The following GNPTAB variants were observed in gnomAD, a reference collection of about 807,000 sequenced individuals.
GNPTAB encodes the protein N-acetylglucosamine-1-phosphate transferase subunits alpha and beta.
In GNPTAB, 92 loss-of-function variants were observed where a neutral mutation model predicts 136.6. The observed-to-expected ratio is 0.67, with a 90% CI of 0.57 to 0.80. GNPTAB has a LOEUF of 0.80. Among genes scored for constraint, GNPTAB ranks in the 30% least tolerant of loss-of-function variants. GNPTAB has a pLI of 0.00. For missense variants in GNPTAB, 1,343 were observed against 1,501.8 expected (o/e 0.89, Z 1.75); for synonymous variants, 512 against 535.1 (o/e 0.96, Z 0.60).
intron 11 of GNPTAB, among the ~76,000 whole-genome samples, chr12:101,766,676 T>C (rs1300329181): frequency 1.3e-5 from 2 of 152,152 alleles, no homozygotes; most frequent in Non-Finnish European, 2.9e-5. Context: ...CCTTATTTCA[T>C]ATTGATGTTT....
intron 14 of GNPTAB, 76 bp downstream of exon 14, chr12:101,761,488 G>T: frequency 6.8e-7 from 1 of 1,464,028 alleles, no homozygotes; most frequent in Non-Finnish European, 9.6e-7. Flanking sequence ...TATAAATTTA[G>T]CATGGTAAAT....
chr12:101,801,537 C>T (rs1192400038), intron 1 of GNPTAB, among the ~76,000 whole-genome samples: 3 of 27,072 alleles, frequency 1.1e-4, no homozygotes, highest in Non-Finnish European at 1.8e-4. Context: ...GAGACCCTGT[C>T]TCAAAAAAAA....
In GNPTAB at chr12:101,796,719, TCAAA is replaced by T. The variant is rs794727302; in HGVS notation, c.157_160del (p.Phe53IlefsTer29). ...TCCAGCAATATTGTCTCTATAGGAA[TCAAA>T]CAAAACATGGTATTGATCTCGGCTC... is the stretch of plus-strand genomic sequence containing the variant. On this transcript the variant is annotated frameshift_variant, in exon 2 of 21. Transcript: ENST00000299314. LOFTEE classifies it high-confidence loss of function. 14 of 1,613,272 alleles carry T rather than the reference TCAAA, an allele frequency of 8.7e-6. No individual in the cohort carries two copies. The highest frequency in any genetic ancestry group is 1.1e-5 in the Non-Finnish European group (13 of 1,179,440).
Position 101,771,068 on chromosome 12 carries a change from G to A in GNPTAB, c.861C>T (p.Asn287=), listed in dbSNP as rs1393795367. The part of the protein sequence containing the change: ...FQELNKQTKK[N]MTIDGKELTI... ...TCAGTTCTTTTCCATCAATGGTCAT[G>A]TTCTTCTTAGTTTGCTTATTCAATT... The change falls in exon 8 of 21, where the codon AAC becomes AAT. Residue 287 remains asparagine, a synonymous_variant. Coordinates refer to ENST00000299314, the MANE Select transcript of GNPTAB (RefSeq NM_024312.5). 4.3e-6 allele frequency: 7 copies of A among 1,613,586 alleles called. No homozygotes were observed. In the Admixed American group the frequency reaches 1.0e-4, roughly 23 times the overall value.
In GNPTAB at chr12:101,770,422, G is replaced by A; in HGVS notation, c.1097C>T (p.Thr366Ile). 1.2e-6 allele frequency: 2 copies of A among 1,612,508 alleles called. No individual in the cohort carries two copies. The highest frequency in any genetic ancestry group is 1.7e-6 in the Non-Finnish European group (2 of 1,178,480). Reference sequence around the variant, plus strand: ...GTCCTGTACCTGGTGTGTTACTATTGTCACTCGAGGATTGTCAAGGTTCAG... The same window carrying A: ...GTCCTGTACCTGGTGTGTTACTATTATCACTCGAGGATTGTCAAGGTTCAG... ...SWLNLDNPRV[T>I]IVTHQDVFRN... Residue 366 changes from threonine to isoleucine, a missense_variant, in exon 9 of 21, where the codon ACA becomes ATA. Coordinates refer to ENST00000299314, the MANE Select transcript of GNPTAB (RefSeq NM_024312.5).
chr12:101,761,822 T>C, intron 13 of GNPTAB, 59 bp from the exon 14 acceptor site: 2 of 1,221,866 alleles, frequency 1.6e-6, no homozygotes, highest in Non-Finnish European at 2.4e-6. Flanking sequence ...GTGTACTTTG[T>C]TACAAGACAT....
chr12:101,753,301 A>G, intron 19 of GNPTAB, 71 bp downstream of exon 19: 1 of 1,182,416 alleles, frequency 8.5e-7, no homozygotes, highest in Admixed American at 2.0e-5. Flanking sequence ...ACATTTCATC[A>G]CTAACATATA....
rs2137112179 is a variant in GNPTAB, at chr12:101,761,280, G to A, written c.2982C>T (p.Ala994=). The A allele has an allele frequency of 6.2e-7, 1 of 1,614,068 alleles. No homozygotes were observed. The highest frequency in any genetic ancestry group is 1.1e-5 in the South Asian group (1 of 91,088). ...TCATGAGATAATAAAAATAAGAGAA[G>A]GCAAACTGCATATCCTCAGAATGGC... is the stretch of plus-strand genomic sequence containing the variant. ...KVRHSEDMQF[A]FSYFYYLMSA... is the part of the protein sequence containing the mutation. The change falls in exon 15 of 21, where the codon GCC becomes GCT. Residue 994 remains alanine (A), a synonymous_variant. Transcript: ENST00000299314.
In GNPTAB at chr12:101,749,206, GA is replaced by G; in HGVS notation, c.3603-16del. ...GATAAGCCCTCCTGTGCAGAGAGAA[GA>G]AAGCAACTATGTACTTCTGTATATG... On this transcript the variant is annotated splice_polypyrimidine_tract_variant and intron_variant, in intron 19 of 20. Coordinates refer to ENST00000299314, the MANE Select transcript of GNPTAB (RefSeq NM_024312.5). The G allele has an allele frequency of 6.7e-7, 1 of 1,488,524 alleles. No individual in the cohort carries two copies. The highest frequency in any genetic ancestry group is 1.4e-5 in the African/African-American group (1 of 72,046). 92.2% of individuals were successfully genotyped at this position (1,488,524 alleles called of 1,614,324 possible). A position where few individuals can be genotyped will look rare whatever the true frequency, so the allele number is the denominator to read the frequency against.
Position 101,757,243 on chromosome 12 carries a change from C to T in GNPTAB, c.3403G>A (p.Gly1135Ser). 6.2e-7 allele frequency: 1 copy of T among 1,607,262 alleles called. No homozygotes were observed. The highest frequency in any genetic ancestry group is 8.5e-7 in the Non-Finnish European group (1 of 1,174,544). Residue 1135 changes from glycine to serine, a missense_variant, in exon 18 of 21, where the codon GGC becomes AGC. Physicochemically the swap from Gly to Ser is moderately conservative, Grantham distance 56. Transcript: ENST00000299314. Reference sequence around the variant, plus strand: ...TTTTTTCTTATGTCATCCAACTGGCCAACCACATGAGAAACGTTGGTACGA... The same window carrying T: ...TTTTTTCTTATGTCATCCAACTGGCTAACCACATGAGAAACGTTGGTACGA... ...MIRTNVSHVVGQLDDIRKNPR... is the reference protein window; with the variant it reads ...MIRTNVSHVVSQLDDIRKNPR...
At chr12:101,825,248 TTTCCACTGTATATTCTGACGACAGCATC>T (rs1871030239) in intron 1 of GNPTAB, among the ~76,000 whole-genome samples, 1 of 152,238 alleles carries the variant, frequency 6.6e-6, no homozygotes. Context: ...CTGACAGCAT[TTTCCACTGTATATTCTGACGACAGCATC>T]TTCCACTGTA....
At position 101,768,164 on chromosome 12, in the gene GNPTAB, C is replaced by A. The variant is rs202070254; in HGVS notation, c.1285-4G>T. 6 of 1,613,962 alleles carry A rather than the reference C, an allele frequency of 3.7e-6. No homozygotes were observed. The highest frequency in any genetic ancestry group is 5.1e-6 in the Non-Finnish European group (6 of 1,179,902). On this transcript the variant is annotated splice_region_variant and splice_polypyrimidine_tract_variant and intron_variant, in intron 10 of 20. Transcript: ENST00000299314. ...GCACAGGCCATGTCAAATAAACCTACGATAAAACCAAAGAGAAAATAAAAT... is the reference window on the plus strand; with the variant it reads ...GCACAGGCCATGTCAAATAAACCTAAGATAAAACCAAAGAGAAAATAAAAT...
intron 7 of GNPTAB, chr12:101,779,865 C>A: frequency 2.3e-6 from 1 of 437,782 alleles, no homozygotes; most frequent in Non-Finnish European, 4.2e-6. Flanking sequence ...ATCTCGGAAG[C>A]TAAGCAGGGT....
intron 9 of GNPTAB, 27 bp from the exon 10 acceptor site, chr12:101,770,218 A>G (rs772402161): frequency 1.9e-6 from 3 of 1,609,984 alleles, no homozygotes; most frequent in South Asian, 1.1e-5. Context: ...ACAAAAAAAG[A>G]GAGTGAATGA....
chr12:101,747,469 A>C (rs1209009189), intron 20 of GNPTAB, among the ~76,000 whole-genome samples: 4 of 152,192 alleles, frequency 2.6e-5, no homozygotes, highest in Non-Finnish European at 4.4e-5. Flanking sequence ...AAAGAGACCC[A>C]AGAGGATTAA....
rs764570097 is a variant in GNPTAB at position 101,753,463 on chromosome 12, A to C, written c.3511T>G (p.Phe1171Val). ...GGTATGGGGAACATGGATTCATAGAAGTCCCTGAGAACAGCCTTCACTGTC... is the reference window on the plus strand; with the variant it reads ...GGTATGGGGAACATGGATTCATAGACGTCCCTGAGAACAGCCTTCACTGTC... ...AQTVKAVLRD[F>V]YESMFPIPSQ... Residue 1171 changes from phenylalanine to valine, a missense_variant, in exon 19 of 21, where the codon TTC becomes GTC. Transcript: ENST00000299314. 3.7e-6 allele frequency: 6 copies of C among 1,613,710 alleles called. No homozygotes were observed. Among genetic ancestry groups the C allele is most frequent in the Non-Finnish European group, 5.1e-6 (6 of 1,179,600 alleles).
At chr12:101,828,006 G>A (rs1051513923) in intron 1 of GNPTAB, among the ~76,000 whole-genome samples, 3 of 152,082 alleles carry the variant, frequency 2.0e-5, no homozygotes, top group Non-Finnish European at 2.9e-5. Context: ...AGTCCAAAAG[G>A]ACTTACAATT....
At position 101,752,847 on chromosome 12, in the gene GNPTAB, T is replaced by A. The variant is rs532519635; in HGVS notation, c.3602+525A>T. ...TTCCAACTAGACTGAAAGAACCCAG[T>A]TACACATTTTTTCAAATCCCTTAAA... On this transcript the variant is annotated intron_variant, in intron 19 of 20. Coordinates refer to ENST00000299314, the MANE Select transcript of GNPTAB (RefSeq NM_024312.5). Among the ~76,000 whole-genome samples, 33 of 152,328 alleles carry A rather than the reference T, an allele frequency of 2.2e-4. 2 individuals carry two copies. Among genetic ancestry groups the A allele is most frequent in the Middle Eastern group, 3.4e-3 (1 of 294 alleles).
intron 5 of GNPTAB, among the ~76,000 whole-genome samples, chr12:101,785,192 G>A (rs942011549): frequency 1.3e-5 from 2 of 152,212 alleles, no homozygotes; most frequent in Non-Finnish European, 2.9e-5. Flanking sequence ...ACATGGTGGA[G>A]AGCAGAGGGA....
Sources: gnomAD v4.1 joint callset for allele counts (sites outside exome capture counted in the v4.1 genomes callset) on GRCh38, gnomAD v4.1.1 for gene constraint, MANE v1.5 for transcripts, NCBI Gene and HGNC (gene_info 2026-07-23, HGNC 2026-07-21) for gene names.